Variants in MTSS1 observed in about 807,000 individuals in gnomAD.
MTSS1 encodes the protein MTSS I-BAR domain containing 1, also known as protein MTSS 1.
In MTSS1, 18 loss-of-function variants were observed where a neutral mutation model predicts 79.0. The ratio of observed to expected loss-of-function variants is 0.23; its 90% CI spans 0.16 to 0.34. MTSS1 has a LOEUF of 0.34. MTSS1 is among the 10% of genes least tolerant of loss of function. MTSS1 has a pLI of 1.00. For synonymous variants in MTSS1, 341 were observed against 368.6 expected, an observed-to-expected ratio of 0.93 and a Z score of 0.86; for missense variants, 815 against 986.2, an observed-to-expected ratio of 0.83 and a Z score of 2.33.
chr8:124,707,420 C>CAAAA (rs1262164354), intron 1 of MTSS1, among the ~76,000 whole-genome samples: 6 of 137,220 alleles, frequency 4.4e-5, no homozygotes, highest in South Asian at 2.3e-4. Flanking sequence ...AACAAACAAA[C>CAAAA]AAAAAAAAAA....
intron 3 of MTSS1, among the ~76,000 whole-genome samples, chr8:124,686,115 T>G (rs1269380866): frequency 6.6e-6 from 1 of 152,192 alleles, no homozygotes; most frequent in Non-Finnish European, 1.5e-5. Flanking sequence ...CAGACCTGAC[T>G]GTCATCTCAT....
chr8:124,561,335 T>C (rs1825260325), intron 10 of MTSS1, among the ~76,000 whole-genome samples: 2 of 152,134 alleles, frequency 1.3e-5, no homozygotes, highest in South Asian at 4.1e-4. Flanking sequence ...GGAGAATCGC[T>C]TGAACCCAGG....
chr8:124,596,345 A>G (rs548834934), intron 3 of MTSS1, among the ~76,000 whole-genome samples: 5 of 152,362 alleles, frequency 3.3e-5, no homozygotes, highest in African/African-American at 1.2e-4. Flanking sequence ...GAGAGGCACA[A>G]ATACTTTATG....
chr8:124,637,002 A>G (rs60287623), intron 3 of MTSS1, among the ~76,000 whole-genome samples: 4,273 of 152,276 alleles, frequency 0.028, 173 homozygotes, highest in African/African-American at 0.097. Flanking sequence ...ATGGCTACGG[A>G]AGGAATTAAT....
chr8:124,656,658 G>A (rs1342710021), intron 3 of MTSS1, among the ~76,000 whole-genome samples: 1 of 151,450 alleles, frequency 6.6e-6, no homozygotes, highest in Non-Finnish European at 1.5e-5. Context: ...AATGCCTGCA[G>A]TCCCAACTAC....
intron 6 of MTSS1, among the ~76,000 whole-genome samples, chr8:124,573,873 G>A (rs1186735442): frequency 1.3e-5 from 2 of 152,158 alleles, no homozygotes; most frequent in Non-Finnish European, 2.9e-5. Flanking sequence ...ACAGCAGCCA[G>A]GAGCCCCTTA....
intron 3 of MTSS1, among the ~76,000 whole-genome samples, chr8:124,685,505 A>G (rs1826815365): frequency 6.6e-6 from 1 of 152,190 alleles, no homozygotes; most frequent in South Asian, 2.1e-4. Flanking sequence ...AAGCCCCTCA[A>G]GGAGGAAAGG....
At chr8:124,605,175 A>G (rs1256346378) in intron 3 of MTSS1, among the ~76,000 whole-genome samples, 1 of 151,192 alleles carries the variant, frequency 6.6e-6, no homozygotes, top group Non-Finnish European at 1.5e-5. Context: ...GCCACCATGA[A>G]CCCCCCATTG....
chr8:124,712,078 T>C (rs1316616165), intron 1 of MTSS1, among the ~76,000 whole-genome samples: 1 of 151,186 alleles, frequency 6.6e-6, no homozygotes, highest in Admixed American at 6.6e-5. Context: ...CTGGTAGAAA[T>C]GCACCAAGAG....
At chr8:124,649,241 TGA>T (rs1017426788) in intron 3 of MTSS1, among the ~76,000 whole-genome samples, 1 of 152,216 alleles carries the variant, frequency 6.6e-6, no homozygotes, top group African/African-American at 2.4e-5. Flanking sequence ...TGAGTGGTTG[TGA>T]GAGAGACGGT....
chr8:124,588,257 C>T (rs914165321), intron 5 of MTSS1, among the ~76,000 whole-genome samples: 5 of 152,206 alleles, frequency 3.3e-5, no homozygotes, highest in Admixed American at 2.0e-4. Context: ...CCACCATTCA[C>T]ACTCCCAGAG....
intron 6 of MTSS1, among the ~76,000 whole-genome samples, chr8:124,571,881 T>A (rs751677006): frequency 1.1e-4 from 16 of 152,108 alleles, no homozygotes; most frequent in Non-Finnish European, 2.4e-4. Context: ...GAAGAATTGC[T>A]TGAACCTGGG....
chr8:124,705,898 C>A (rs759031092), intron 1 of MTSS1, among the ~76,000 whole-genome samples: 1 of 152,186 alleles, frequency 6.6e-6, no homozygotes, highest in Non-Finnish European at 1.5e-5. Context: ...TCCCCCACCC[C>A]CTATTTGGGA....
At chr8:124,653,763 A>T (rs1480032575) in intron 3 of MTSS1, among the ~76,000 whole-genome samples, 1 of 152,196 alleles carries the variant, frequency 6.6e-6, no homozygotes. Context: ...AAAATAAAAC[A>T]GGGATTCATA....
At chr8:124,716,384 C>G (rs757336716) in intron 1 of MTSS1, among the ~76,000 whole-genome samples, 1 of 152,226 alleles carries the variant, frequency 6.6e-6, no homozygotes, top group African/African-American at 2.4e-5. Flanking sequence ...TCTGCCTGAT[C>G]GCATTCCAAG....
At chr8:124,605,449 G>A (rs978266609) in intron 3 of MTSS1, among the ~76,000 whole-genome samples, 1 of 152,164 alleles carries the variant, frequency 6.6e-6, no homozygotes, top group Non-Finnish European at 1.5e-5. Context: ...CAGAATCAGG[G>A]AGTTAGTGTT....
At chr8:124,698,244 AG>A (rs1441081579) in intron 3 of MTSS1, 1 of 152,182 alleles carries the variant, frequency 6.6e-6, no homozygotes, top group African/African-American at 2.4e-5. Context: ...ATTGCACTGA[AG>A]GTACCCATCA....
chr8:124,658,670 G>A (rs796103780), intron 3 of MTSS1, among the ~76,000 whole-genome samples: 5 of 152,258 alleles, frequency 3.3e-5, no homozygotes, highest in African/African-American at 1.2e-4. Context: ...AGGAGGGAGA[G>A]ACAGAAGGGG....
intron 1 of MTSS1, among the ~76,000 whole-genome samples, chr8:124,720,013 T>C (rs1832679539): frequency 6.6e-6 from 1 of 152,158 alleles, no homozygotes; most frequent in South Asian, 2.1e-4. Flanking sequence ...CTTTTTAAGG[T>C]AGGATATAAT....
Sources: gnomAD v4.1 joint callset for allele counts (sites outside exome capture counted in the v4.1 genomes callset) on GRCh38, gnomAD v4.1.1 for gene constraint, MANE v1.5 for transcripts, NCBI Gene and HGNC (gene_info 2026-07-23, HGNC 2026-07-21) for gene names.